Variants in STPG4 observed in about 807,000 individuals in gnomAD.
STPG4 encodes protein STPG4.
STPG4 carries 41 observed loss-of-function variants against 31.5 expected under a neutral mutation model. The ratio of observed to expected loss-of-function variants is 1.30; its 90% CI spans 1.01 to 1.69. STPG4 has a LOEUF of 1.69. STPG4 is among the 40% of genes most tolerant of loss of function. STPG4 has a pLI of 0.00. For synonymous variants in STPG4, 141 were observed against 103.0 expected (o/e 1.37, Z -2.24); for missense variants, 375 against 293.4 (o/e 1.28, Z -2.03).
At chr2:47,121,501 A>G (rs1272622948) in intron 5 of STPG4, among the ~76,000 whole-genome samples, 1 of 152,096 alleles carries the variant, frequency 6.6e-6, no homozygotes, top group Non-Finnish European at 1.5e-5. Context: ...AGATACGGAT[A>G]TTTATGGGCT....
intron 5 of STPG4, among the ~76,000 whole-genome samples, chr2:47,115,349 C>T (rs1033932239): frequency 3.3e-5 from 5 of 152,134 alleles, no homozygotes; most frequent in Non-Finnish European, 7.4e-5. Context: ...GGGTCCCATG[C>T]CTTCCTCTTT....
intron 3 of STPG4, among the ~76,000 whole-genome samples, chr2:47,147,956 C>CTT (rs11417126): frequency 0.019 from 2,791 of 147,032 alleles, 104 homozygotes; most frequent in African/African-American, 0.062. Flanking sequence ...ATACATATTC[C>CTT]TTTTTTTTTT....
At chr2:47,089,178 G>A (rs542866702) in intron 6 of STPG4, among the ~76,000 whole-genome samples, 6 of 152,318 alleles carry the variant, frequency 3.9e-5, no homozygotes, top group East Asian at 3.9e-4. Context: ...ATGACTCAGC[G>A]TTCCTGAGAA....
intron 5 of STPG4, among the ~76,000 whole-genome samples, chr2:47,092,400 T>C (rs890935011): frequency 6.7e-6 from 1 of 150,370 alleles, no homozygotes; most frequent in Non-Finnish European, 1.5e-5. Flanking sequence ...TGGGGGTGTG[T>C]TCCTGTGGTC....
intron 5 of STPG4, among the ~76,000 whole-genome samples, chr2:47,117,182 G>A (rs1686169323): frequency 6.6e-6 from 1 of 152,128 alleles, no homozygotes; most frequent in Admixed American, 6.6e-5. Context: ...GGAGGTGGCT[G>A]TTGGAACAAA....
intron 3 of STPG4, among the ~76,000 whole-genome samples, chr2:47,133,759 T>C (rs1686539748): frequency 6.6e-6 from 1 of 151,912 alleles, no homozygotes; most frequent in South Asian, 2.1e-4. Flanking sequence ...GTATTTTTAG[T>C]AGAGACAGGG....
In STPG4 at chr2:47,102,212, A is replaced by G. The variant is rs540905444; in HGVS notation, c.520-11838T>C. Reference sequence around the variant, plus strand: ...TGCGTCAGTGAGCGCAACTATTCCAATCAGCAGGGTCCAGGGACCATTGCA... The same window carrying G: ...TGCGTCAGTGAGCGCAACTATTCCAGTCAGCAGGGTCCAGGGACCATTGCA... On this transcript the variant is annotated intron_variant, in intron 5 of 6. Coordinates refer to ENST00000445927, the MANE Select transcript of STPG4 (RefSeq NM_001163561.2). 7.9e-5 allele frequency among the ~76,000 whole-genome samples: 12 copies of G among 151,372 alleles called. No individual in the cohort carries two copies. In the East Asian group the frequency reaches 2.3e-3, roughly 29 times the overall value.
Position 47,130,224 on chromosome 2 carries a change from G to A in STPG4, c.436C>T (p.Pro146Ser), listed in dbSNP as rs1441121746. The A allele has an allele frequency of 8.7e-6, 14 of 1,613,998 alleles. No homozygotes were observed. The highest frequency in any genetic ancestry group is 1.7e-5 in the Admixed American group (1 of 60,004). The change falls in exon 4 of 7, where the codon CCT (proline) becomes TCT (serine). Residue 146 changes from proline to serine, a missense_variant. By Grantham distance (74) the Pro-to-Ser change is moderately conservative. Transcript: ENST00000445927. ...GAAGCATATTTGGGAACTGGTGCAG[G>A]AAGCACGTTGTATTGCCCCGGAGAA... ...QLSPGQYNVL[P>S]APVPKYASRS... is the part of the protein sequence containing the mutation.
intron 5 of STPG4, 143 bp downstream of exon 5, chr2:47,129,798 G>T: frequency 2.9e-6 from 3 of 1,024,698 alleles, no homozygotes; most frequent in Non-Finnish European, 4.2e-6. Context: ...TTTCTTGTGT[G>T]GATAATTGTG....
intron 3 of STPG4, among the ~76,000 whole-genome samples, chr2:47,133,570 C>CTTTTTTTTTTTTTTTTTTTTTTTTTTT (rs10682288): frequency 3.0e-5 from 2 of 67,154 alleles, no homozygotes; most frequent in Non-Finnish European, 5.0e-5. Flanking sequence ...GCACTCAAAT[C>CTTTTTTTTTTTTTTTTTTTTTTTTTTT]TTTTTTTTTT....
chr2:47,139,474 G>A (rs1357208445), intron 3 of STPG4, among the ~76,000 whole-genome samples: 2 of 150,574 alleles, frequency 1.3e-5, no homozygotes, highest in African/African-American at 4.9e-5. Context: ...AATAATCATG[G>A]TAGACACCTT....
At chr2:47,119,066 C>A (rs1390939667) in intron 5 of STPG4, among the ~76,000 whole-genome samples, 1 of 152,224 alleles carries the variant, frequency 6.6e-6, no homozygotes, top group African/African-American at 2.4e-5. Context: ...AGACATTGTT[C>A]TCTCAGCAAA....
At chr2:47,089,601 T>C (rs12479161) in intron 6 of STPG4, among the ~76,000 whole-genome samples, 54,636 of 151,616 alleles carry the variant, frequency 0.36, 10,015 homozygotes, top group South Asian at 0.39. Context: ...TTTCAGACCG[T>C]ATTGCAGACT....
Position 47,138,226 on chromosome 2 carries a change from TAAC to T in STPG4, c.400-7969_400-7967del, listed in dbSNP as rs1282513447. 2.6e-5 allele frequency among the ~76,000 whole-genome samples: 4 copies of T among 152,348 alleles called. No individual in the cohort carries two copies. In the East Asian group the frequency reaches 5.8e-4, roughly 22 times the overall value. On this transcript the variant is annotated intron_variant, in intron 3 of 6. Coordinates refer to ENST00000445927, the MANE Select transcript of STPG4 (RefSeq NM_001163561.2). The stretch of plus-strand genomic sequence containing the variant: ...TAACATTTCTCTTCAGACATTTTTC[TAAC>T]AACACAGATCCATGTGTTATTTAGA...
intron 2 of STPG4, 104 bp from the exon 3 acceptor site, chr2:47,151,619 C>G: frequency 1.1e-6 from 1 of 915,908 alleles, no homozygotes. Flanking sequence ...TCTTTGTTTT[C>G]AAGTTTAATG....
chr2:47,138,738 C>T (rs138477288), intron 3 of STPG4, among the ~76,000 whole-genome samples: 10 of 152,236 alleles, frequency 6.6e-5, no homozygotes, highest in East Asian at 1.9e-4. Context: ...TTAGTAGAGA[C>T]GGGGTTTCAC....
chr2:47,135,692 T>G (rs1302698742), intron 3 of STPG4, among the ~76,000 whole-genome samples: 1 of 152,162 alleles, frequency 6.6e-6, no homozygotes, highest in Admixed American at 6.6e-5. Context: ...CAGCCTCTTC[T>G]TTTTTGAATG....
rs1686967583 is a variant in STPG4 at position 47,153,013 on chromosome 2, G to C, written c.85C>G (p.Pro29Ala). The C allele has an allele frequency of 6.2e-7, 1 of 1,609,826 alleles. No individual in the cohort carries two copies. Among genetic ancestry groups the C allele is most frequent in the Non-Finnish European group, 8.5e-7 (1 of 1,177,362 alleles). Reference sequence around the variant, plus strand: ...TCAAAAGAGGAAGTCTTTTGGGCTGGTTTCTGTTAACAAACACAAAGTATG... The same window carrying C: ...TCAAAAGAGGAAGTCTTTTGGGCTGCTTTCTGTTAACAAACACAAAGTATG... ...GGESFITASKPAQKTSSFERE... is the reference protein window; with the variant it reads ...GGESFITASKAAQKTSSFERE... The change falls in exon 2 of 7, where the codon CCA becomes GCA. Residue 29 changes from proline (P) to alanine (A), a missense_variant. Physicochemically the swap from Pro to Ala is conservative, Grantham distance 27. Coordinates refer to ENST00000445927, the MANE Select transcript of STPG4 (RefSeq NM_001163561.2).
At chr2:47,147,429 G>A (rs923493138) in intron 3 of STPG4, among the ~76,000 whole-genome samples, 4 of 152,180 alleles carry the variant, frequency 2.6e-5, no homozygotes, top group Non-Finnish European at 2.9e-5. Flanking sequence ...GAGAGGTAGC[G>A]AAAAGGTGGG....
Sources: gnomAD v4.1 joint callset for allele counts (sites outside exome capture counted in the v4.1 genomes callset) on GRCh38, gnomAD v4.1.1 for gene constraint, MANE v1.5 for transcripts, NCBI Gene and HGNC (gene_info 2026-07-23, HGNC 2026-07-21) for gene names.